NHSL3: variants seen among roughly 807,000 people sequenced by gnomAD.
NHSL3 encodes NHS-like protein 3.
At chr1:32,742,282 G>C in the NHSL3 span, 6 of 1,160,998 alleles carry the variant, frequency 5.2e-6, no homozygotes, top group Admixed American at 4.3e-5. Context: ...CGTGTTGGAG[G>C]GGGGTGACCC....
At chr1:32,769,298 G>T in the NHSL3 span, among the ~76,000 whole-genome samples, 1 of 152,072 alleles carries the variant, frequency 6.6e-6, no homozygotes, top group Non-Finnish European at 1.5e-5. Flanking sequence ...ACTGTTGGAA[G>T]CCTGGTGTAA....
the NHSL3 span, chr1:32,772,277 TC>T: frequency 1.3e-6 from 2 of 1,587,354 alleles, no homozygotes; most frequent in African/African-American, 1.3e-5. Context: ...TCTGTGGGAG[TC>T]CCCCCACCCG....
the NHSL3 span, chr1:32,770,607 C>T: frequency 6.6e-7 from 1 of 1,516,230 alleles, no homozygotes; most frequent in Non-Finnish European, 8.8e-7. The surrounding 1 kb of genome is among the most constrained non-coding windows in gnomAD (Gnocchi z 8.3). Flanking sequence ...CAGACACACT[C>T]AGCATTCGGA....
At chr1:32,772,860 C>T in the NHSL3 span, 1 of 1,613,844 alleles carries the variant, frequency 6.2e-7, no homozygotes, top group African/African-American at 1.3e-5. Context: ...ATTTTTCTCC[C>T]CCAGACTCAC....
At chr1:32,768,146 C>T in the NHSL3 span, 2 of 1,431,288 alleles carry the variant, frequency 1.4e-6, no homozygotes, top group Admixed American at 1.7e-5. Flanking sequence ...TCAGTCCTGA[C>T]TCTTCTCTAC....
At chr1:32,759,477 C>T in the NHSL3 span, among the ~76,000 whole-genome samples, 2 of 152,222 alleles carry the variant, frequency 1.3e-5, no homozygotes, top group African/African-American at 2.4e-5. Flanking sequence ...CTCATTAGGA[C>T]ATTTATTAAT....
the NHSL3 span, among the ~76,000 whole-genome samples, chr1:32,761,487 C>T: frequency 6.6e-6 from 1 of 152,172 alleles, no homozygotes; most frequent in Admixed American, 6.5e-5. Context: ...TGTTCCTCCA[C>T]CCCCATCTTG....
the NHSL3 span, chr1:32,770,382 C>T: frequency 4.4e-6 from 7 of 1,608,392 alleles, no homozygotes; most frequent in Non-Finnish European, 5.9e-6. This position sits in a 1 kb window ranked among gnomAD's most constrained non-coding sequence, Gnocchi z 8.3. Flanking sequence ...CCGTCTCCAG[C>T]CCACAGCCCC....
At chr1:32,742,691 T>C in the NHSL3 span, among the ~76,000 whole-genome samples, 1 of 152,230 alleles carries the variant, frequency 6.6e-6, no homozygotes, top group Non-Finnish European at 1.5e-5. Flanking sequence ...TGGAGCACAG[T>C]GTGCCCTGCC....
the NHSL3 span, among the ~76,000 whole-genome samples, chr1:32,743,394 T>A: frequency 1.3e-5 from 2 of 152,132 alleles, no homozygotes; most frequent in African/African-American, 4.8e-5. Context: ...CCTGCTTCCC[T>A]GCGGCACAGC....
the NHSL3 span, among the ~76,000 whole-genome samples, chr1:32,758,815 G>C: frequency 2.0e-5 from 3 of 151,942 alleles, no homozygotes; most frequent in Non-Finnish European, 4.4e-5. Context: ...TTGCAATTAA[G>C]GGGAAATGAA....
At chr1:32,752,944 CACACACATATATATATAT>C in the NHSL3 span, among the ~76,000 whole-genome samples, 9,065 of 25,442 alleles carry the variant, frequency 0.36, 770 homozygotes, top group Admixed American at 0.46. Context: ...CACACACACA[CACACACATATATATATAT>C]ATATATTTTG....
the NHSL3 span, chr1:32,769,885 A>G: frequency 6.2e-7 from 1 of 1,610,188 alleles, no homozygotes; most frequent in South Asian, 1.1e-5. Context: ...TCCAGGCCTG[A>G]GGAATGAGCG....
the NHSL3 span, chr1:32,771,072 G>A: frequency 5.8e-5 from 94 of 1,613,096 alleles, no homozygotes; most frequent in Middle Eastern, 2.1e-3. Context: ...CTTCCCTCAC[G>A]TCTTTATGTT....
At chr1:32,744,510 A>G in the NHSL3 span, among the ~76,000 whole-genome samples, 1 of 152,214 alleles carries the variant, frequency 6.6e-6, no homozygotes, top group African/African-American at 2.4e-5. Flanking sequence ...GACTGTTTTC[A>G]TGACTCTCCC....
At chr1:32,763,033 T>C in the NHSL3 span, among the ~76,000 whole-genome samples, 3 of 144,036 alleles carry the variant, frequency 2.1e-5, no homozygotes, top group Admixed American at 2.2e-4. Context: ...CAGGCTGGAG[T>C]GCAATGGTGC....
chr1:32,752,387 C>G, the NHSL3 span, among the ~76,000 whole-genome samples: 1 of 152,118 alleles, frequency 6.6e-6, no homozygotes. Flanking sequence ...CATGTGGGGT[C>G]TAGAACTGAG....
At chr1:32,744,646 A>G in the NHSL3 span, among the ~76,000 whole-genome samples, 21 of 152,268 alleles carry the variant, frequency 1.4e-4, no homozygotes, top group Non-Finnish European at 2.9e-4. Flanking sequence ...AATCAGGCCA[A>G]TGAGAGTTTA....
chr1:32,747,261 C>T, the NHSL3 span, among the ~76,000 whole-genome samples: 1 of 151,748 alleles, frequency 6.6e-6, no homozygotes, highest in Non-Finnish European at 1.5e-5. Flanking sequence ...TCTCAGGTCA[C>T]TGCAACCTCT....
Sources: gnomAD v4.1 joint callset for allele counts (sites outside exome capture counted in the v4.1 genomes callset) on GRCh38, gnomAD v4.1.1 for gene constraint, Gnocchi (gnomAD v3.1) non-coding constraint, MANE v1.5 for transcripts, NCBI Gene and HGNC (gene_info 2026-07-23, HGNC 2026-07-21) for gene names.